RAB11FIP1: variants seen among roughly 807,000 people sequenced by gnomAD.
RAB11FIP1 encodes rab11 family-interacting protein 1.
Under a neutral mutation model 83.1 loss-of-function variants are expected in RAB11FIP1, and 49 were observed. The ratio of observed to expected loss-of-function variants is 0.59; its 90% CI spans 0.47 to 0.75. RAB11FIP1 has a LOEUF of 0.75. Among genes scored for constraint, RAB11FIP1 ranks in the 30% least tolerant of loss-of-function variants. The pLI, the probability that RAB11FIP1 is intolerant of heterozygous loss-of-function variation, is 0.00. For synonymous variants in RAB11FIP1, 670 were observed against 656.0 expected, an observed-to-expected ratio of 1.02 and a Z score of -0.33; for missense variants, 1,536 against 1,598.7, an observed-to-expected ratio of 0.96 and a Z score of 0.67.
In RAB11FIP1 at chr8:37,862,576, C is replaced by T. The variant is rs1806259269; in HGVS notation, c.*319G>A. On this transcript the variant is annotated 3_prime_UTR_variant, in exon 6 of 6. Coordinates refer to ENST00000330843, the MANE Select transcript of RAB11FIP1 (RefSeq NM_001002814.3). ...GAAAGAAAACCCCAGTGTTAAAATA[C>T]ATGAATACTTCCTGTGCCATCTGAA... 4.3e-6 allele frequency: 1 copy of T among 232,668 alleles called. No homozygotes were observed. Among genetic ancestry groups the T allele is most frequent in the Non-Finnish European group, 8.5e-6 (1 of 117,100 alleles). The allele number at this position is 232,668 out of a possible 1,614,324, so 14.4% of individuals were successfully genotyped here.
intron 1 of RAB11FIP1, among the ~76,000 whole-genome samples, chr8:37,886,687 C>G (rs79078436): frequency 0.073 from 11,160 of 152,230 alleles, 548 homozygotes; most frequent in Non-Finnish European, 0.11. Flanking sequence ...AGGAAAGAAG[C>G]AGGAAGAACA....
intron 1 of RAB11FIP1, among the ~76,000 whole-genome samples, chr8:37,878,529 A>G: frequency 7.8e-6 from 1 of 127,816 alleles, no homozygotes. Context: ...GTGAGACTCC[A>G]TCTCAAAAAA....
rs557347054 is a variant in RAB11FIP1, at chr8:37,889,123, G to A, written c.371+9948C>T. Among the ~76,000 whole-genome samples, 550 of 152,244 alleles carry A rather than the reference G, an allele frequency of 3.6e-3. 5 individuals carry two copies. The highest frequency in any genetic ancestry group is 3.4e-3 in the Middle Eastern group (1 of 294). Reference sequence around the variant, plus strand: ...TACTTTCCGCAACTTATTGAGAGATGTCATGATCCTTATGGACCCCTTCAG... The same window carrying A: ...TACTTTCCGCAACTTATTGAGAGATATCATGATCCTTATGGACCCCTTCAG... On this transcript the variant is annotated intron_variant, in intron 1 of 5. Coordinates refer to ENST00000330843, the MANE Select transcript of RAB11FIP1 (RefSeq NM_001002814.3).
chr8:37,881,530 C>T (rs1209777758), intron 1 of RAB11FIP1, among the ~76,000 whole-genome samples: 1 of 152,160 alleles, frequency 6.6e-6, no homozygotes, highest in Non-Finnish European at 1.5e-5. Flanking sequence ...TATACAAAGT[C>T]ATCAAGAAGA....
rs780045862 is a variant in RAB11FIP1, at chr8:37,874,949, C to A, written c.1188G>T (p.Pro396=). 1 of 1,614,134 alleles carries A rather than the reference C, an allele frequency of 6.2e-7. No homozygotes were observed. Among genetic ancestry groups the A allele is most frequent in the Non-Finnish European group, 8.5e-7 (1 of 1,180,030 alleles). Residue 396 remains proline (P), a synonymous_variant, in exon 3 of 6, where the codon CCG becomes CCT. Transcript: ENST00000330843. ...TKDSLKSMTL[P]SYRPAPLVSG... ...TGACCAGTGGGGCAGGTCGGTAGGA[C>A]GGCAGGGTCATAGACTTCAAGGAGT...
Position 37,871,363 on chromosome 8 carries a change from G to A in RAB11FIP1, c.3439C>T (p.Pro1147Ser). ...GRVENFGKRKPLLQAWVSPSE... is the reference protein window; with the variant it reads ...GRVENFGKRKSLLQAWVSPSE... ...GGTGAGACCCAGGCCTGGAGGAGTG[G>A]CTTCCTCTTGCCAAAATTTTCAACT... Residue 1147 changes from proline (P) to serine (S), a missense_variant, in exon 4 of 6, where the codon CCA (proline) becomes TCA (serine). Pro to Ser is a moderately conservative substitution (Grantham distance 74). Transcript: ENST00000330843. 6.2e-7 allele frequency: 1 copy of A among 1,614,194 alleles called. No homozygotes were observed. Among genetic ancestry groups the A allele is most frequent in the Non-Finnish European group, 8.5e-7 (1 of 1,180,038 alleles).
rs546774742 is a variant in RAB11FIP1, at chr8:37,870,051, C to T, written c.3633+369G>A. The stretch of plus-strand genomic sequence containing the variant: ...GTGGTTCACGCCTATAATCCCAGCA[C>T]TTTGGGAGGCCAAGGTGGGAGGATC... On this transcript the variant is annotated intron_variant, in intron 5 of 5. Coordinates refer to ENST00000330843, the MANE Select transcript of RAB11FIP1 (RefSeq NM_001002814.3). 2.6e-5 allele frequency among the ~76,000 whole-genome samples: 4 copies of T among 152,202 alleles called. No individual in the cohort carries two copies. In the South Asian group the frequency reaches 8.3e-4, roughly 32 times the overall value.
Position 37,871,623 on chromosome 8 carries a change from G to C in RAB11FIP1, c.3179C>G (p.Ser1060Ter), listed in dbSNP as rs1806462713. Residue 1060 changes from serine (S) to a stop codon, truncating the protein, a stop_gained, in exon 4 of 6, where the codon TCA becomes TGA. Transcript: ENST00000330843. LOFTEE classifies it high-confidence loss of function. Reference sequence around the variant, plus strand: ...GCCTGGCAGCTGTTTATCCAAGCTTGAGCTCTTGCCAAGATGTGGTTTGTG... The same window carrying C: ...GCCTGGCAGCTGTTTATCCAAGCTTCAGCTCTTGCCAAGATGTGGTTTGTG... ...GIHKPHLGKS[S>*]SLDKQLPGPS... 1 of 1,606,832 alleles carries C rather than the reference G, an allele frequency of 6.2e-7. No individual in the cohort carries two copies. Among genetic ancestry groups the C allele is most frequent in the African/African-American group, 1.3e-5 (1 of 74,770 alleles).
Position 37,871,948 on chromosome 8 carries a change from T to A in RAB11FIP1, c.2854A>T (p.Met952Leu). The A allele has an allele frequency of 2.5e-6, 4 of 1,614,194 alleles. No homozygotes were observed. Among genetic ancestry groups the A allele is most frequent in the Non-Finnish European group, 3.4e-6 (4 of 1,180,026 alleles). Residue 952 changes from methionine (M) to leucine (L), a missense_variant, in exon 4 of 6, where the codon ATG (methionine) becomes TTG (leucine). Physicochemically the swap from Met to Leu is conservative, Grantham distance 15. Coordinates refer to ENST00000330843, the MANE Select transcript of RAB11FIP1 (RefSeq NM_001002814.3). ...GGAAGGCTTAAGTTCAGATCGGCCA[T>A]GATTGGAGATTTAAAATCTGAGACC... is the stretch of plus-strand genomic sequence containing the variant. ...QLVSDFKSPI[M>L]ADLNLSLPSI...
In RAB11FIP1 at chr8:37,873,192, C is replaced by A; in HGVS notation, c.1623-13G>T. On this transcript the variant is annotated splice_polypyrimidine_tract_variant and intron_variant, in intron 3 of 5. Coordinates refer to ENST00000330843, the MANE Select transcript of RAB11FIP1 (RefSeq NM_001002814.3). Reference sequence around the variant, plus strand: ...AGACACTTCCAGTCTGCAAAAAGGACAAAATAAAATCTGCAGGTCAGTGCA... The same window carrying A: ...AGACACTTCCAGTCTGCAAAAAGGAAAAAATAAAATCTGCAGGTCAGTGCA... The A allele has an allele frequency of 1.9e-6, 3 of 1,560,764 alleles. No homozygotes were observed. Among genetic ancestry groups the A allele is most frequent in the South Asian group, 2.4e-5 (2 of 84,804 alleles).
intron 1 of RAB11FIP1, among the ~76,000 whole-genome samples, chr8:37,880,197 C>T (rs142062386): frequency 2.6e-3 from 403 of 152,232 alleles, no homozygotes; most frequent in Non-Finnish European, 4.4e-3. Flanking sequence ...GTGGCTCACA[C>T]CTGTAATCCC....
Position 37,859,786 on chromosome 8 carries a change from C to G in RAB11FIP1, c.*3109G>C, listed in dbSNP as rs1365777868. ...CCAGAGCACAGCAGCCTCCCAGGGC[C>G]TGTCAGCATCTGCAGCAGCTGGAAG... On this transcript the variant is annotated 3_prime_UTR_variant, in exon 6 of 6. Transcript: ENST00000330843. 2 of 152,188 alleles carry G rather than the reference C, an allele frequency of 1.3e-5. No homozygotes were observed. Among genetic ancestry groups the G allele is most frequent in the African/African-American group, 2.4e-5 (1 of 41,440 alleles). 9.4% of individuals were successfully genotyped at this position (152,188 alleles called of 1,614,324 possible). A position where few individuals can be genotyped will look rare whatever the true frequency, so the allele number is the denominator to read the frequency against.
At chr8:37,885,015 G>C (rs1162935576) in intron 1 of RAB11FIP1, among the ~76,000 whole-genome samples, 1 of 144,276 alleles carries the variant, frequency 6.9e-6, no homozygotes, top group African/African-American at 2.6e-5. Context: ...TTTTTTTTGA[G>C]ATGGAGTCTC....
At chr8:37,869,541 G>A (rs1329265730) in intron 5 of RAB11FIP1, among the ~76,000 whole-genome samples, 5 of 152,074 alleles carry the variant, frequency 3.3e-5, no homozygotes, top group African/African-American at 7.2e-5. Context: ...GCAGTGAGCC[G>A]AGATTGCACC....
intron 1 of RAB11FIP1, among the ~76,000 whole-genome samples, chr8:37,878,820 C>A (rs1050197629): frequency 6.6e-6 from 1 of 151,046 alleles, no homozygotes; most frequent in Admixed American, 6.6e-5. Flanking sequence ...GGCAATATTG[C>A]GAGACTCCAT....
Position 37,888,562 on chromosome 8 carries a change from T to C in RAB11FIP1, c.371+10509A>G, listed in dbSNP as rs1239910969. ...GATGCCATCACGGCTCACTGCAGTC[T>C]CAACTTCCCAGGCTCAAGCAATCCT... is the stretch of plus-strand genomic sequence containing the variant. On this transcript the variant is annotated intron_variant, in intron 1 of 5. Transcript: ENST00000330843. 2.0e-5 allele frequency among the ~76,000 whole-genome samples: 3 copies of C among 152,130 alleles called. No individual in the cohort carries two copies. In the East Asian group the frequency reaches 5.8e-4, roughly 29 times the overall value.
chr8:37,862,843 A>G lies in RAB11FIP1; in HGVS notation c.*52T>C. The G allele has an allele frequency of 2.1e-6, 3 of 1,453,014 alleles. No homozygotes were observed. The highest frequency in any genetic ancestry group is 2.9e-6 in the Non-Finnish European group (3 of 1,049,098). 90.0% of individuals were successfully genotyped at this position (1,453,014 alleles called of 1,614,324 possible). ...GGCAAGGCAAGTCCTTGACCCCTGG[A>G]GCAGGTGAAAGTGAAGTCACAGAAA... On this transcript the variant is annotated 3_prime_UTR_variant, in exon 6 of 6. Transcript: ENST00000330843.
intron 5 of RAB11FIP1, among the ~76,000 whole-genome samples, chr8:37,866,046 T>C (rs960107459): frequency 4.6e-5 from 7 of 152,020 alleles, no homozygotes; most frequent in Non-Finnish European, 1.0e-4. Flanking sequence ...TTAAAAATTA[T>C]AAAACAGGGC....
chr8:37,869,044 A>G (rs1461477210), intron 5 of RAB11FIP1, among the ~76,000 whole-genome samples: 4 of 152,008 alleles, frequency 2.6e-5, no homozygotes, highest in African/African-American at 7.3e-5. Flanking sequence ...CCTGAGCAAC[A>G]TGATGAAACC....
Sources: allele counts gnomAD v4.1 joint callset (sites outside exome capture counted in the v4.1 genomes callset), GRCh38; gene constraint gnomAD v4.1.1; transcripts MANE v1.5; gene names NCBI Gene and HGNC (gene_info 2026-07-23, HGNC 2026-07-21).